Variants in USP3 observed in about 807,000 individuals in gnomAD.
The protein encoded by USP3 is ubiquitin carboxyl-terminal hydrolase 3.
Under a neutral mutation model 72.3 loss-of-function variants are expected in USP3, and 20 were observed. That is an observed-to-expected ratio of 0.28 (90% confidence interval 0.19 to 0.40). USP3 has a LOEUF of 0.40. USP3 is among the 10% of genes least tolerant of loss of function. The probability of loss-of-function intolerance (pLI) is 1.00; values close to 1 mark genes in which losing one functional copy is unlikely to be tolerated. For missense variants in USP3, 479 were observed against 633.9 expected, an observed-to-expected ratio of 0.76 and a Z score of 2.62; for synonymous variants, 222 against 225.3, an observed-to-expected ratio of 0.99 and a Z score of 0.13.
chr15:63,561,449 C>T (rs1038092044), intron 7 of USP3, among the ~76,000 whole-genome samples: 2 of 152,208 alleles, frequency 1.3e-5, no homozygotes, highest in Admixed American at 6.5e-5. Flanking sequence ...GTAAGGCCAC[C>T]ACTGCCTCTG....
intron 3 of USP3, among the ~76,000 whole-genome samples, chr15:63,542,716 C>T (rs1196088571): frequency 1.3e-5 from 2 of 151,988 alleles, no homozygotes; most frequent in African/African-American, 4.8e-5. Context: ...TTGCCAAAAA[C>T]CAGAAAGCAA....
At position 63,558,378 on chromosome 15, in the gene USP3, T is replaced by A. The variant is rs1049815372; in HGVS notation, c.533+190T>A. ...CTACCTCATGGGGTAGTTGGGAAGA[T>A]TGAATAATGTAATTTGTCTAAAGTA... On this transcript the variant is annotated intron_variant, in intron 6 of 14. Coordinates refer to ENST00000380324, the MANE Select transcript of USP3 (RefSeq NM_006537.4). Among the ~76,000 whole-genome samples, 63 of 152,166 alleles carry A rather than the reference T, an allele frequency of 4.1e-4. 1 individual carries two copies. Among genetic ancestry groups the A allele is most frequent in the African/African-American group, 1.4e-3 (57 of 41,492 alleles).
At chr15:63,525,946 C>G (rs1325441091) in intron 1 of USP3, among the ~76,000 whole-genome samples, 4 of 152,134 alleles carry the variant, frequency 2.6e-5, no homozygotes, top group Non-Finnish European at 4.4e-5. Context: ...TATAATTTTA[C>G]AAATCCATAG....
chr15:63,556,957 C>T, intron 5 of USP3: 6 of 450,414 alleles, frequency 1.3e-5, no homozygotes, highest in South Asian at 3.1e-5. Flanking sequence ...TTCCCATCAG[C>T]GTTACTGCTG....
At chr15:63,548,760 C>A (rs2066393828) in intron 3 of USP3, among the ~76,000 whole-genome samples, 1 of 152,014 alleles carries the variant, frequency 6.6e-6, no homozygotes, top group Admixed American at 6.6e-5. Context: ...GTGGCATGAT[C>A]TCTGCTCACT....
At chr15:63,506,369 A>G (rs1249493259) in intron 1 of USP3, among the ~76,000 whole-genome samples, 4 of 86,078 alleles carry the variant, frequency 4.6e-5, no homozygotes, top group Non-Finnish European at 7.3e-5. Context: ...AGAAATTTGA[A>G]GAAAAAAAAA....
chr15:63,510,279 T>C (rs1419689735), intron 1 of USP3, among the ~76,000 whole-genome samples: 3 of 152,210 alleles, frequency 2.0e-5, no homozygotes, highest in Non-Finnish European at 2.9e-5. Flanking sequence ...TGAGTCCCTC[T>C]TCCATCAGGA....
chr15:63,555,699 G>T (rs140629477), intron 4 of USP3, among the ~76,000 whole-genome samples: 2 of 152,264 alleles, frequency 1.3e-5, no homozygotes, highest in African/African-American at 4.8e-5. Flanking sequence ...CACAGAATTT[G>T]TGAAGGAATA....
intron 1 of USP3, chr15:63,515,311 T>C (rs2065836904): frequency 6.6e-6 from 1 of 152,272 alleles, no homozygotes; most frequent in Non-Finnish European, 1.5e-5. Context: ...TTACAGTTTT[T>C]GAGAATATGT....
chr15:63,517,933 C>A (rs1050758004), intron 1 of USP3, among the ~76,000 whole-genome samples: 2 of 152,140 alleles, frequency 1.3e-5, no homozygotes, highest in African/African-American at 4.8e-5. Context: ...GCTTTGGTTA[C>A]CTCACACTGT....
chr15:63,527,627 T>C (rs1433517027), intron 1 of USP3, among the ~76,000 whole-genome samples: 1 of 152,270 alleles, frequency 6.6e-6, no homozygotes, highest in African/African-American at 2.4e-5. Flanking sequence ...AGTGGCTATG[T>C]AGAAATAACA....
intron 11 of USP3, among the ~76,000 whole-genome samples, chr15:63,584,897 T>G (rs572760173): frequency 7.2e-5 from 11 of 152,200 alleles, no homozygotes; most frequent in Non-Finnish European, 1.6e-4. Context: ...TTAAGACTTA[T>G]GTTTAAGACC....
At chr15:63,513,144 G>A (rs1478322762) in intron 1 of USP3, among the ~76,000 whole-genome samples, 1 of 152,120 alleles carries the variant, frequency 6.6e-6, no homozygotes, top group Admixed American at 6.5e-5. Context: ...TGTTCTAGCT[G>A]GGTTTAAGAC....
At chr15:63,531,009 G>A (rs1426066490) in intron 1 of USP3, among the ~76,000 whole-genome samples, 1 of 152,188 alleles carries the variant, frequency 6.6e-6, no homozygotes, top group Non-Finnish European at 1.5e-5. Flanking sequence ...TGCCTTCAAG[G>A]ATGGCCCTCA....
intron 14 of USP3, among the ~76,000 whole-genome samples, chr15:63,590,099 A>G (rs1337684684): frequency 3.3e-5 from 5 of 152,080 alleles, no homozygotes; most frequent in Non-Finnish European, 4.4e-5. Flanking sequence ...TAGGCGTGCA[A>G]AAGGCTTGTT....
intron 6 of USP3, 70 bp downstream of exon 6, chr15:63,558,258 C>G (rs917222748): frequency 6.0e-6 from 9 of 1,511,720 alleles, no homozygotes; most frequent in Non-Finnish European, 8.3e-6. Context: ...CTCCCTATCT[C>G]GTCTGCCACT....
chr15:63,528,909 T>C lies in USP3; in HGVS notation c.92-3738T>C, dbSNP rs947833434. ...TTTGTCCTGGGTACATTAAAGGTTCTTAATTTGGATGAAGCATGTATAAAC... is the reference window on the plus strand; with the variant it reads ...TTTGTCCTGGGTACATTAAAGGTTCCTAATTTGGATGAAGCATGTATAAAC... On this transcript the variant is annotated intron_variant, in intron 1 of 14. Coordinates refer to ENST00000380324, the MANE Select transcript of USP3 (RefSeq NM_006537.4). The surrounding 1 kb of genome is among the most constrained non-coding windows in gnomAD (Gnocchi z 4.3). The C allele has an allele frequency of 4.7e-6, 4 of 854,482 alleles. No homozygotes were observed. Among genetic ancestry groups the C allele is most frequent in the Non-Finnish European group, 6.4e-6 (4 of 629,514 alleles). 52.9% of individuals were successfully genotyped at this position (854,482 alleles called of 1,614,324 possible).
chr15:63,581,799 A>T (rs1217621576), intron 11 of USP3, among the ~76,000 whole-genome samples: 1 of 151,808 alleles, frequency 6.6e-6, no homozygotes, highest in South Asian at 2.1e-4. Context: ...GTCTGAGGTG[A>T]TCCTCCCACC....
intron 11 of USP3, among the ~76,000 whole-genome samples, chr15:63,576,019 C>T (rs1010489880): frequency 1.5e-5 from 2 of 137,190 alleles, no homozygotes; most frequent in African/African-American, 5.5e-5. Flanking sequence ...CCGAGTCTTG[C>T]TCTGTCGCCC....
Sources: gnomAD v4.1 joint callset for allele counts (sites outside exome capture counted in the v4.1 genomes callset) on GRCh38, gnomAD v4.1.1 for gene constraint, Gnocchi (gnomAD v3.1) non-coding constraint, MANE v1.5 for transcripts, NCBI Gene and HGNC (gene_info 2026-07-23, HGNC 2026-07-21) for gene names.